The following TRPM3 variants were observed in gnomAD, a reference collection of about 807,000 sequenced individuals.
TRPM3 encodes the protein long transient receptor potential channel 3.
In TRPM3, 77 loss-of-function variants were observed where a neutral mutation model predicts 181.2. The ratio of observed to expected loss-of-function variants is 0.42; its 90% CI spans 0.35 to 0.51. The LOEUF (loss-of-function observed/expected upper bound fraction) is 0.51, where lower values mean the gene tolerates loss of function less well. Ranked by LOEUF, TRPM3 falls within the 20% of genes least tolerant of loss-of-function variation. TRPM3 has a pLI of 0.01. For missense variants in TRPM3, 1,759 were observed against 2,196.7 expected (o/e 0.80, Z 3.98); for synonymous variants, 745 against 796.4 (o/e 0.94, Z 1.09).
intron 1 of TRPM3, among the ~76,000 whole-genome samples, chr9:70,890,662 G>T (rs917998082): frequency 2.0e-5 from 3 of 152,020 alleles, no homozygotes; most frequent in African/African-American, 7.2e-5. Context: ...ATGAGGAAAA[G>T]ATTTTTAATC....
At chr9:70,852,624 A>G (rs2095270912) in intron 3 of TRPM3, among the ~76,000 whole-genome samples, 1 of 152,198 alleles carries the variant, frequency 6.6e-6, no homozygotes, top group Non-Finnish European at 1.5e-5. Flanking sequence ...CTTCTTTATG[A>G]GACACCAACA....
chr9:70,996,464 A>C (rs1265158493), intron 1 of TRPM3, among the ~76,000 whole-genome samples: 1 of 152,216 alleles, frequency 6.6e-6, no homozygotes, highest in Admixed American at 6.5e-5. Context: ...CAAGACACTG[A>C]AGAACACTTG....
rs371498948 is a variant in TRPM3, at chr9:71,121,211, G to A, written c.144C>T (p.His48=). 26 of 1,613,932 alleles carry A rather than the reference G, an allele frequency of 1.6e-5. No homozygotes were observed. Among genetic ancestry groups the A allele is most frequent in the Non-Finnish European group, 1.9e-5 (23 of 1,179,948 alleles). ...PLNWTIRKLC[H]AAFLPSVRLL... ...GTCTGACAGATGGAAGAAAGGCTGC[G>A]TGGCACAGCTTCCGGATGGTCCAGT... Residue 48 remains histidine, a synonymous_variant, in exon 1 of 26, where the codon CAC becomes CAT. Coordinates refer to ENST00000677713, the MANE Select transcript of TRPM3 (RefSeq NM_001366145.2).
chr9:71,094,370 T>C (rs766353544), intron 1 of TRPM3, among the ~76,000 whole-genome samples: 11 of 152,162 alleles, frequency 7.2e-5, no homozygotes, highest in Non-Finnish European at 1.3e-4. Context: ...AAAGACAAAG[T>C]CCTTCCTCTT....
At chr9:71,140,138 G>A (rs1012573215) in intron 1 of TRPM3, among the ~76,000 whole-genome samples, 2 of 152,156 alleles carry the variant, frequency 1.3e-5, no homozygotes, top group African/African-American at 4.8e-5. Context: ...AGAATCAACA[G>A]CCTCAGACTT....
intron 1 of TRPM3, among the ~76,000 whole-genome samples, chr9:70,919,062 C>T (rs2096629572): frequency 6.6e-6 from 1 of 152,134 alleles, no homozygotes; most frequent in South Asian, 2.1e-4. Flanking sequence ...ATAGAGGTGT[C>T]TGTGCCCCTC....
At chr9:71,103,917 T>C (rs1289130171) in intron 1 of TRPM3, among the ~76,000 whole-genome samples, 1 of 148,916 alleles carries the variant, frequency 6.7e-6, no homozygotes, top group African/African-American at 2.5e-5. Context: ...CATGCAGCAA[T>C]CCTTTTTTTT....
chr9:71,128,523 T>C (rs1385653694), intron 1 of TRPM3, among the ~76,000 whole-genome samples: 2 of 152,176 alleles, frequency 1.3e-5, no homozygotes, highest in Admixed American at 6.5e-5. Context: ...TATTCACTCT[T>C]CTAATATTTG....
chr9:71,344,999 T>C (rs1330050495), intron 1 of TRPM3, among the ~76,000 whole-genome samples: 1 of 152,182 alleles, frequency 6.6e-6, no homozygotes, highest in Non-Finnish European at 1.5e-5. Context: ...AAGCTCATCA[T>C]CACTGGTCAT....
At chr9:70,917,222 T>C in intron 1 of TRPM3, 6 of 1,585,390 alleles carry the variant, frequency 3.8e-6, no homozygotes, top group Non-Finnish European at 5.2e-6. Context: ...GATTGCAAAA[T>C]ACAGGGCAAT....
chr9:71,123,157 C>T (rs2073823158), upstream of TRPM3, among the ~76,000 whole-genome samples: 1 of 152,144 alleles, frequency 6.6e-6, no homozygotes, highest in Non-Finnish European at 1.5e-5. Flanking sequence ...TCTCTTGTCT[C>T]CTATTTCTTT....
chr9:70,605,926 C>A lies in TRPM3; in HGVS notation c.2668-2456G>T, dbSNP rs193005006. Among the ~76,000 whole-genome samples, 16 of 152,318 alleles carry A rather than the reference C, an allele frequency of 1.1e-4. 1 individual carries two copies. Among genetic ancestry groups the A allele is most frequent in the Admixed American group, 3.3e-4 (5 of 15,292 alleles). ...TGACATGCACATTCTTCCAGAACCT[C>A]TGCATTTTAATACTTAAGTAACTCC... On this transcript the variant is annotated intron_variant, in intron 19 of 25. Transcript: ENST00000677713.
At chr9:71,024,291 A>AG (rs2097872522) in intron 1 of TRPM3, among the ~76,000 whole-genome samples, 1 of 152,214 alleles carries the variant, frequency 6.6e-6, no homozygotes, top group South Asian at 2.1e-4. Context: ...ATTGGGACAG[A>AG]GGGGCCAAGT....
rs184352750 is a variant in TRPM3 at position 70,742,298 on chromosome 9, T to C, written c.1272+19303A>G. ...TTATTTATTTTCTATATTTCTACAA[T>C]GAAAATTTTTTTAAAAATAGATATA... is the stretch of plus-strand genomic sequence containing the variant. On this transcript the variant is annotated intron_variant, in intron 8 of 25. Coordinates refer to ENST00000677713, the MANE Select transcript of TRPM3 (RefSeq NM_001366145.2). Among the ~76,000 whole-genome samples, 148 of 152,218 alleles carry C rather than the reference T, an allele frequency of 9.7e-4. 1 individual carries two copies. The highest frequency in any genetic ancestry group is 2.0e-3 in the Admixed American group (31 of 15,282).
chr9:71,186,582 A>T (rs2077693941), intron 1 of TRPM3, among the ~76,000 whole-genome samples: 3 of 152,092 alleles, frequency 2.0e-5, no homozygotes, highest in African/African-American at 7.2e-5. Flanking sequence ...ATGTAAAAAA[A>T]TACACAAATA....
At chr9:70,940,720 A>G (rs1373915159) in intron 1 of TRPM3, among the ~76,000 whole-genome samples, 1 of 152,214 alleles carries the variant, frequency 6.6e-6, no homozygotes, top group Non-Finnish European at 1.5e-5. Flanking sequence ...TGGAACTAAC[A>G]CTGAAGGATG....
chr9:70,886,232 A>G (rs900578470), intron 1 of TRPM3, among the ~76,000 whole-genome samples: 1 of 152,216 alleles, frequency 6.6e-6, no homozygotes, highest in African/African-American at 2.4e-5. Flanking sequence ...TGGCTACTTT[A>G]GTGTTTTTCC....
At chr9:71,217,356 C>A (rs1277334693) in intron 1 of TRPM3, among the ~76,000 whole-genome samples, 8 of 152,150 alleles carry the variant, frequency 5.3e-5, no homozygotes, top group Admixed American at 2.0e-4. Flanking sequence ...CAGCTTGTTA[C>A]ACTTTTGCAG....
chr9:70,531,647 A>T lies in TRPM3; in HGVS notation c.*4306T>A, dbSNP rs1318508884. On this transcript the variant is annotated 3_prime_UTR_variant, in exon 26 of 26. Transcript: ENST00000677713. ...AGAAACAACATAGTGTTACTAAATG[A>T]ACATATTTATAAAATACTGTACACT... The T allele has an allele frequency of 1.3e-5, 2 of 152,226 alleles. No individual in the cohort carries two copies. Among genetic ancestry groups the T allele is most frequent in the Non-Finnish European group, 2.9e-5 (2 of 68,044 alleles). 9.4% of individuals were successfully genotyped at this position (152,226 alleles called of 1,614,324 possible). A position where few individuals can be genotyped will look rare whatever the true frequency, so the allele number is the denominator to read the frequency against.
Sources: gnomAD v4.1 joint callset for allele counts (sites outside exome capture counted in the v4.1 genomes callset) on GRCh38, gnomAD v4.1.1 for gene constraint, MANE v1.5 for transcripts, NCBI Gene and HGNC (gene_info 2026-07-23, HGNC 2026-07-21) for gene names.